The following PITPNM2 variants were observed in gnomAD, a reference collection of about 807,000 sequenced individuals.
PITPNM2 encodes the protein membrane-associated phosphatidylinositol transfer protein 2.
In PITPNM2, 35 loss-of-function variants were observed where a neutral mutation model predicts 132.2. The observed-to-expected ratio is 0.26, with a 90% CI of 0.20 to 0.35. The LOEUF (loss-of-function observed/expected upper bound fraction) is 0.35, where lower values mean the gene tolerates loss of function less well. Among genes scored for constraint, PITPNM2 ranks in the 10% least tolerant of loss-of-function variants. PITPNM2 has a pLI of 1.00. For synonymous variants in PITPNM2, 738 were observed against 799.2 expected, an observed-to-expected ratio of 0.92 and a Z score of 1.29; for missense variants, 1,332 against 1,912.0, an observed-to-expected ratio of 0.70 and a Z score of 5.66.
chr12:122,986,063 G>A lies in PITPNM2; in HGVS notation c.4014C>T (p.Gly1338=). The A allele has an allele frequency of 7.1e-7, 1 of 1,416,540 alleles. No homozygotes were observed. Among genetic ancestry groups the A allele is most frequent in the Non-Finnish European group, 9.1e-7 (1 of 1,096,740 alleles). The allele number at this position is 1,416,540 out of a possible 1,614,324, so 87.7% of individuals were successfully genotyped here. Reference sequence around the variant, plus strand: ...CCGCGGCTGCCCCCGGCTCCAGGCGGCCAGTCATGGCGCGGCCCCAGCAGC... The same window carrying A: ...CCGCGGCTGCCCCCGGCTCCAGGCGACCAGTCATGGCGCGGCCCCAGCAGC... ...AAGCWGRAMT[G]RLEPGAAAGP... The change falls in exon 26 of 26, where the codon GGC becomes GGT. Residue 1338 remains glycine, a synonymous_variant. Coordinates refer to ENST00000320201, the MANE Select transcript of PITPNM2 (RefSeq NM_020845.3).
chr12:123,107,225 G>A (rs919620267), intron 2 of PITPNM2, among the ~76,000 whole-genome samples: 3 of 152,186 alleles, frequency 2.0e-5, no homozygotes, highest in African/African-American at 4.8e-5. Flanking sequence ...CGGGGAGTCC[G>A]GAAGGAAGCC....
At chr12:123,046,405 C>T (rs760252619) in intron 2 of PITPNM2, among the ~76,000 whole-genome samples, 5 of 152,138 alleles carry the variant, frequency 3.3e-5, no homozygotes, top group South Asian at 2.1e-4. Flanking sequence ...ACAACTCCCC[C>T]GAGTTAGATG....
chr12:123,056,243 T>G (rs867567736), intron 2 of PITPNM2, among the ~76,000 whole-genome samples: 8 of 152,206 alleles, frequency 5.3e-5, no homozygotes, highest in African/African-American at 1.9e-4. Flanking sequence ...ATGTCTGGCA[T>G]GACAGTGGCC....
At chr12:123,086,007 G>A (rs917911752) in intron 2 of PITPNM2, among the ~76,000 whole-genome samples, 1 of 152,238 alleles carries the variant, frequency 6.6e-6, no homozygotes, top group Non-Finnish European at 1.5e-5. Flanking sequence ...GGCACCTCCT[G>A]GTCTCGGCAT....
At chr12:123,105,912 C>T (rs2042698483) in intron 2 of PITPNM2, among the ~76,000 whole-genome samples, 1 of 152,204 alleles carries the variant, frequency 6.6e-6, no homozygotes, top group African/African-American at 2.4e-5. Flanking sequence ...CAGACCACCA[C>T]TGACCAAGAC....
At chr12:123,045,534 G>A (rs1352872469) in intron 2 of PITPNM2, among the ~76,000 whole-genome samples, 1 of 152,192 alleles carries the variant, frequency 6.6e-6, no homozygotes, top group Non-Finnish European at 1.5e-5. Context: ...TGGGCACAAC[G>A]CTGGGACTGA....
rs1361260046 is a variant in PITPNM2, at chr12:123,005,250, G to C, written c.942C>G (p.Ser314=). 6.2e-7 allele frequency: 1 copy of C among 1,611,818 alleles called. No homozygotes were observed. Among genetic ancestry groups the C allele is most frequent in the East Asian group, 2.2e-5 (1 of 44,808 alleles). Residue 314 remains serine (S), a synonymous_variant, in exon 7 of 26, where the codon TCC becomes TCG. Coordinates refer to ENST00000320201, the MANE Select transcript of PITPNM2 (RefSeq NM_020845.3). The surrounding 1 kb of genome is among the most constrained non-coding windows in gnomAD (Gnocchi z 6.2). ...WSTSSKSSRS[S]KRGASPSRHS... ...GGCGCAGGGCCTTACCTCCCCGCTT[G>C]GACGACCGAGACGACTTGGAGGATG...
At chr12:123,024,241 A>G (rs1165779116) in intron 3 of PITPNM2, among the ~76,000 whole-genome samples, 1 of 152,208 alleles carries the variant, frequency 6.6e-6, no homozygotes, top group African/African-American at 2.4e-5. Flanking sequence ...ACCACTTCAC[A>G]CTCACTGGGG....
chr12:123,034,487 T>TGACCCACCCTTGCCCCAC (rs754878794), intron 3 of PITPNM2, 26 bp downstream of exon 3: 1 of 1,468,554 alleles, frequency 6.8e-7, no homozygotes, highest in Non-Finnish European at 9.5e-7. Context: ...CCTCACCCCA[T>TGACCCACCCTTGCCCCAC]GACCCACCCT....
In PITPNM2 at chr12:122,986,515, A is replaced by G. The variant is rs201629741; in HGVS notation, c.3647T>C (p.Val1216Ala). 6.3e-7 allele frequency: 1 copy of G among 1,596,252 alleles called. No individual in the cohort carries two copies. The highest frequency in any genetic ancestry group is 1.3e-5 in the African/African-American group (1 of 74,744). The change falls in exon 25 of 26, where the codon GTG becomes GCG. Residue 1216 changes from valine to alanine, a missense_variant. Transcript: ENST00000320201. The part of the protein sequence containing the change: ...AAYGSTKDVA[V>A]YSAISLSPMQ... ...GGGGGACAGGCTAATGGCGCTGTAC[A>G]CCGCCACGTCCTTGGTGGAGCCATA...
chr12:123,121,638 C>G (rs938628275), intron 1 of PITPNM2, among the ~76,000 whole-genome samples: 4 of 151,930 alleles, frequency 2.6e-5, no homozygotes, highest in Non-Finnish European at 5.9e-5. Flanking sequence ...CCTTGAATTC[C>G]TGGCTCAAAC....
chr12:123,016,941 G>C (rs1189615031), intron 3 of PITPNM2, among the ~76,000 whole-genome samples: 1 of 151,812 alleles, frequency 6.6e-6, no homozygotes, highest in Non-Finnish European at 1.5e-5. Flanking sequence ...AGCTACTCAG[G>C]AGGCTGAGGC....
intron 1 of PITPNM2, among the ~76,000 whole-genome samples, chr12:123,119,678 A>T (rs1300567000): frequency 2.0e-5 from 3 of 152,082 alleles, no homozygotes; most frequent in African/African-American, 7.2e-5. Context: ...TCTTAATCAC[A>T]CCTAAATGAA....
chr12:123,120,354 T>C (rs538520057), intron 1 of PITPNM2, among the ~76,000 whole-genome samples: 1 of 152,284 alleles, frequency 6.6e-6, no homozygotes, highest in East Asian at 1.9e-4. Context: ...TCTGGTCTAA[T>C]AGTCACAGGT....
chr12:123,019,162 C>G (rs929740649), intron 3 of PITPNM2, among the ~76,000 whole-genome samples: 1 of 152,032 alleles, frequency 6.6e-6, no homozygotes, highest in Non-Finnish European at 1.5e-5. Context: ...GTGAATATAC[C>G]GAGAACCTTT....
chr12:123,004,510 T>C lies in PITPNM2; in HGVS notation c.953-21A>G, dbSNP rs764371325. ...ACTCGCTGGAAGGCAAAACCCCAGA[T>C]TGACCGCCAACTGGAGAGGAAGGGC... On this transcript the variant is annotated intron_variant, in intron 7 of 25. Coordinates refer to ENST00000320201, the MANE Select transcript of PITPNM2 (RefSeq NM_020845.3). This position sits in a 1 kb window ranked among gnomAD's most constrained non-coding sequence, Gnocchi z 4.9. 7.7e-5 allele frequency: 124 copies of C among 1,612,222 alleles called. No individual in the cohort carries two copies. In the Middle Eastern group the frequency reaches 8.2e-4, roughly 11 times the overall value.
At chr12:123,100,443 T>G (rs551033310) in intron 2 of PITPNM2, among the ~76,000 whole-genome samples, 1 of 152,118 alleles carries the variant, frequency 6.6e-6, no homozygotes, top group Non-Finnish European at 1.5e-5. Flanking sequence ...CTGACCAACA[T>G]GGTGAAACCC....
At chr12:123,100,680 A>G (rs1258753880) in intron 2 of PITPNM2, among the ~76,000 whole-genome samples, 1 of 152,168 alleles carries the variant, frequency 6.6e-6, no homozygotes, top group Non-Finnish European at 1.5e-5. Flanking sequence ...CGGATGAACC[A>G]TGAAAACATG....
chr12:123,059,039 C>T (rs963339060), intron 2 of PITPNM2, among the ~76,000 whole-genome samples: 3 of 152,230 alleles, frequency 2.0e-5, no homozygotes, highest in South Asian at 2.1e-4. Context: ...CAGCGAGGTG[C>T]TCTACAGATC....
Sources: gnomAD v4.1 joint callset for allele counts (sites outside exome capture counted in the v4.1 genomes callset) on GRCh38, gnomAD v4.1.1 for gene constraint, Gnocchi (gnomAD v3.1) non-coding constraint, MANE v1.5 for transcripts, NCBI Gene and HGNC (gene_info 2026-07-23, HGNC 2026-07-21) for gene names.